RNF217: variants seen among roughly 807,000 people sequenced by gnomAD.
RNF217 encodes the protein ring finger protein 217, also known as E3 ubiquitin-protein ligase RNF217.
RNF217 carries 31 observed loss-of-function variants against 57.8 expected under a neutral mutation model. That is an observed-to-expected ratio of 0.54 (90% confidence interval 0.40 to 0.72). The LOEUF (loss-of-function observed/expected upper bound fraction) is 0.72. Ranked by LOEUF, RNF217 falls within the 30% of genes least tolerant of loss-of-function variation. The probability of loss-of-function intolerance (pLI) is 0.00; values close to 1 mark genes in which losing one functional copy is unlikely to be tolerated. For synonymous variants in RNF217, 313 were observed against 294.0 expected, an observed-to-expected ratio of 1.06 and a Z score of -0.66; for missense variants, 696 against 708.3, an observed-to-expected ratio of 0.98 and a Z score of 0.20.
intron 3 of RNF217, among the ~76,000 whole-genome samples, chr6:125,071,493 T>C (rs1324472466): frequency 3.3e-5 from 3 of 90,988 alleles, no homozygotes; most frequent in African/African-American, 1.6e-4. Context: ...TATGTGTGTG[T>C]GTGTGTGTGT....
chr6:124,980,582 C>T (rs1228972516), intron 1 of RNF217, among the ~76,000 whole-genome samples: 1 of 152,134 alleles, frequency 6.6e-6, no homozygotes, highest in Non-Finnish European at 1.5e-5. Context: ...TAACAGTGTT[C>T]CCTTCTGGTG....
In RNF217 at chr6:125,091,517, T is replaced by C. The variant is rs1788951346; in HGVS notation, c.*8580T>C. ...AGCCAATGTATTTTTCTTAAATTCA[T>C]TGTTCATTTTTAAGCTAACCTATAC... On this transcript the variant is annotated 3_prime_UTR_variant, in exon 6 of 6. Coordinates refer to ENST00000521654, the MANE Select transcript of RNF217 (RefSeq NM_001286398.3). 1 of 152,108 alleles carries C rather than the reference T, an allele frequency of 6.6e-6. No homozygotes were observed. The highest frequency in any genetic ancestry group is 2.4e-5 in the African/African-American group (1 of 41,450). 9.4% of individuals were successfully genotyped at this position (152,108 alleles called of 1,614,324 possible).
intron 3 of RNF217, among the ~76,000 whole-genome samples, chr6:125,072,316 T>C (rs1335791781): frequency 6.6e-6 from 1 of 152,176 alleles, no homozygotes; most frequent in African/African-American, 2.4e-5. Flanking sequence ...TGGTAAATGA[T>C]GAAACAATTT....
intron 1 of RNF217, among the ~76,000 whole-genome samples, chr6:125,030,633 G>A (rs184574582): frequency 8.2e-4 from 125 of 152,288 alleles, no homozygotes; most frequent in African/African-American, 2.7e-3. Context: ...CTCATATCCA[G>A]GTCACGCTGA....
chr6:124,985,202 CTGTT>C (rs1017933999), intron 1 of RNF217, among the ~76,000 whole-genome samples: 5 of 152,196 alleles, frequency 3.3e-5, no homozygotes, highest in Non-Finnish European at 5.9e-5. Flanking sequence ...TGTTCACACA[CTGTT>C]TGTTCCCAGA....
rs377043627 is a variant in RNF217, at chr6:125,073,139, T to C, written c.1282-3518T>C. Among the ~76,000 whole-genome samples, 16 of 152,222 alleles carry C rather than the reference T, an allele frequency of 1.1e-4. No homozygotes were observed. In the East Asian group the frequency reaches 1.2e-3, roughly 11 times the overall value. Reference sequence around the variant, plus strand: ...CACAATATATAGTCAAAAAGTTGAATGTACGATGCTTTGGGTTTTCGGCAG... The same window carrying C: ...CACAATATATAGTCAAAAAGTTGAACGTACGATGCTTTGGGTTTTCGGCAG... On this transcript the variant is annotated intron_variant, in intron 3 of 5. Coordinates refer to ENST00000521654, the MANE Select transcript of RNF217 (RefSeq NM_001286398.3).
chr6:124,975,288 G>A (rs1783916302), intron 1 of RNF217, among the ~76,000 whole-genome samples: 1 of 152,162 alleles, frequency 6.6e-6, no homozygotes, highest in East Asian at 1.9e-4. Flanking sequence ...TGAAACAATT[G>A]CTTGTAAGCC....
Position 125,091,817 on chromosome 6 carries a change from A to C in RNF217, c.*8880A>C, listed in dbSNP as rs944733323. 3.3e-5 allele frequency: 5 copies of C among 152,148 alleles called. No homozygotes were observed. Among genetic ancestry groups the C allele is most frequent in the Non-Finnish European group, 7.4e-5 (5 of 68,022 alleles). 9.4% of individuals were successfully genotyped at this position (152,148 alleles called of 1,614,324 possible). On this transcript the variant is annotated 3_prime_UTR_variant, in exon 6 of 6. Coordinates refer to ENST00000521654, the MANE Select transcript of RNF217 (RefSeq NM_001286398.3). ...ATGCTAGAGAACCATGGTGTCTGCT[A>C]TTTACATGTTATTTGTTCCCAGTGA... is the stretch of plus-strand genomic sequence containing the variant.
intron 2 of RNF217, among the ~76,000 whole-genome samples, chr6:125,045,739 A>G (rs1001680933): frequency 6.6e-6 from 1 of 152,100 alleles, no homozygotes; most frequent in African/African-American, 2.4e-5. Context: ...AATACTAAAT[A>G]AATACTAAGG....
At chr6:124,980,569 A>G (rs974836438) in intron 1 of RNF217, among the ~76,000 whole-genome samples, 2 of 152,032 alleles carry the variant, frequency 1.3e-5, no homozygotes, top group Non-Finnish European at 2.9e-5. Flanking sequence ...TTCTTTTTTT[A>G]TATAACAGTG....
rs1004317882 is a variant in RNF217 at position 125,083,728 on chromosome 6, C to T, written c.*791C>T. 1.3e-5 allele frequency: 2 copies of T among 151,992 alleles called. No individual in the cohort carries two copies. The highest frequency in any genetic ancestry group is 2.4e-5 in the African/African-American group (1 of 41,414). The allele number at this position is 151,992 out of a possible 1,614,324, so 9.4% of individuals were successfully genotyped here. A position where few individuals can be genotyped will look rare whatever the true frequency, so the allele number is the denominator to read the frequency against. ...AGTCAATGTAGACAACAGGCCATTT[C>T]GATACTGAACTTTTCTATTTCTTGC... On this transcript the variant is annotated 3_prime_UTR_variant, in exon 6 of 6. Coordinates refer to ENST00000521654, the MANE Select transcript of RNF217 (RefSeq NM_001286398.3).
chr6:125,074,346 TA>T (rs1177620402), intron 3 of RNF217, among the ~76,000 whole-genome samples: 2 of 140,088 alleles, frequency 1.4e-5, no homozygotes, highest in Admixed American at 7.2e-5. Flanking sequence ...GATAGATAGA[TA>T]GATAGGGATG....
At chr6:125,004,979 TGGCATCTGGTGAA>T (rs766581518) in intron 1 of RNF217, among the ~76,000 whole-genome samples, 1 of 152,170 alleles carries the variant, frequency 6.6e-6, no homozygotes, top group Non-Finnish European at 1.5e-5. Flanking sequence ...TGTATGGTGC[TGGCATCTGGTGAA>T]GACTTTTGTG....
At chr6:125,043,449 C>A (rs1786965012) in intron 1 of RNF217, among the ~76,000 whole-genome samples, 1 of 152,040 alleles carries the variant, frequency 6.6e-6, no homozygotes, top group Admixed American at 6.6e-5. Context: ...CATTTTGCAT[C>A]CTGATTGCCT....
rs575158637 is a variant in RNF217 at position 125,036,167 on chromosome 6, A to G, written c.883-9044A>G. Reference sequence around the variant, plus strand: ...GTTCGACTCCCACTTATGAGTGAGAACATGCAGTGTTTGGTTTACTGTTCC... The same window carrying G: ...GTTCGACTCCCACTTATGAGTGAGAGCATGCAGTGTTTGGTTTACTGTTCC... On this transcript the variant is annotated intron_variant, in intron 1 of 5. Transcript: ENST00000521654. Among the ~76,000 whole-genome samples, 102 of 152,206 alleles carry G rather than the reference A, an allele frequency of 6.7e-4. 1 individual carries two copies. The highest frequency in any genetic ancestry group is 1.2e-3 in the Non-Finnish European group (83 of 68,008).
In RNF217 at chr6:124,978,651, C is replaced by T. The variant is rs75379897; in HGVS notation, c.882+15225C>T. Among the ~76,000 whole-genome samples, 968 of 152,148 alleles carry T rather than the reference C, an allele frequency of 6.4e-3. 5 individuals are homozygous for T. The highest frequency in any genetic ancestry group is 0.01 in the Non-Finnish European group (694 of 68,012). On this transcript the variant is annotated intron_variant, in intron 1 of 5. Transcript: ENST00000521654. ...GAGTGTGCTGCAGCTCCTTTATTCT[C>T]GTCGCCCACAGCTCAGTGGGCAGAA... is the stretch of plus-strand genomic sequence containing the variant.
intron 3 of RNF217, among the ~76,000 whole-genome samples, chr6:125,066,910 C>A (rs1239454779): frequency 1.3e-5 from 2 of 152,084 alleles, no homozygotes; most frequent in Non-Finnish European, 2.9e-5. Context: ...GGATGTGGTT[C>A]TTTTTCTTGT....
At position 124,989,877 on chromosome 6, in the gene RNF217, A is replaced by AC. The variant is rs201121254; in HGVS notation, c.882+26452dup. Among the ~76,000 whole-genome samples the AC allele has an allele frequency of 3.8e-3, 581 of 151,180 alleles. 6 individuals are homozygous for AC. The highest frequency in any genetic ancestry group is 0.013 in the African/African-American group (551 of 41,334). ...TATTGTTCTCTGCTTGAAAAAAAAAACACCAACAAAATAAAGACAACAAAA... is the reference window on the plus strand; with the variant it reads ...TATTGTTCTCTGCTTGAAAAAAAAAACCACCAACAAAATAAAGACAACAAAA... On this transcript the variant is annotated intron_variant, in intron 1 of 5. Coordinates refer to ENST00000521654, the MANE Select transcript of RNF217 (RefSeq NM_001286398.3).
chr6:125,085,583 A>T lies in RNF217; in HGVS notation c.*2646A>T, dbSNP rs762655408. 1.4e-4 allele frequency: 22 copies of T among 151,950 alleles called. No individual in the cohort carries two copies. Among genetic ancestry groups the T allele is most frequent in the Non-Finnish European group, 2.7e-4 (18 of 67,860 alleles). 9.4% of individuals were successfully genotyped at this position (151,950 alleles called of 1,614,324 possible). ...AAAACTACTTTAAAAAGAAGCGTGC[A>T]CATAAAATAAATATCTTTCTATCCA... On this transcript the variant is annotated 3_prime_UTR_variant, in exon 6 of 6. Transcript: ENST00000521654.
Sources: allele counts gnomAD v4.1 joint callset (sites outside exome capture counted in the v4.1 genomes callset), GRCh38; gene constraint gnomAD v4.1.1; transcripts MANE v1.5; gene names NCBI Gene and HGNC (gene_info 2026-07-23, HGNC 2026-07-21).